The following KIRREL3 variants were observed in gnomAD, a reference collection of about 807,000 sequenced individuals.
KIRREL3 encodes kin of IRRE-like protein 3.
In KIRREL3, 36 loss-of-function variants were observed where a neutral mutation model predicts 89.7. The observed-to-expected ratio is 0.40, with a 90% confidence interval of 0.31 to 0.53. The LOEUF is 0.53. Among genes scored for constraint, KIRREL3 ranks in the 20% least tolerant of loss-of-function variants. The probability of loss-of-function intolerance (pLI) is 0.49; values close to 1 mark genes in which losing one functional copy is unlikely to be tolerated. For missense variants in KIRREL3, 864 were observed against 1,056.6 expected (o/e 0.82, Z 2.53); for synonymous variants, 445 against 441.4 (o/e 1.01, Z -0.10).
At position 126,531,855 on chromosome 11, in the gene KIRREL3, A is replaced by G. The variant is rs1291261806; in HGVS notation, c.134-5168T>C. 6.6e-6 allele frequency among the ~76,000 whole-genome samples: 1 copy of G among 152,116 alleles called. No homozygotes were observed. Among genetic ancestry groups the G allele is most frequent in the Non-Finnish European group, 1.5e-5 (1 of 68,032 alleles). ...CCAGCTGTGGGTGAGCACCGGTTAC[A>G]CGTCTGTCACATGTGCCTTTGTACT... On this transcript the variant is annotated intron_variant, in intron 2 of 16. Coordinates refer to ENST00000525144, the MANE Select transcript of KIRREL3 (RefSeq NM_032531.4). This position sits in a 1 kb window ranked among gnomAD's most constrained non-coding sequence, Gnocchi z 4.7.
chr11:126,743,956 G>C (rs1949060669), intron 1 of KIRREL3, among the ~76,000 whole-genome samples: 1 of 152,242 alleles, frequency 6.6e-6, no homozygotes, highest in Non-Finnish European at 1.5e-5. Flanking sequence ...GTGATGGGGA[G>C]ACTACTATAT....
At position 126,704,039 on chromosome 11, in the gene KIRREL3, C is replaced by A. The variant is rs559307342; in HGVS notation, c.56-141127G>T. ...GATGTTGCTACCAGAATCATTCCCC[C>A]CTTCTCTTATTTATATACACTCACA... On this transcript the variant is annotated intron_variant, in intron 1 of 16. Coordinates refer to ENST00000525144, the MANE Select transcript of KIRREL3 (RefSeq NM_032531.4). The surrounding 1 kb of genome is among the most constrained non-coding windows in gnomAD (Gnocchi z 4.2). Among the ~76,000 whole-genome samples, 57 of 152,272 alleles carry A rather than the reference C, an allele frequency of 3.7e-4. No homozygotes were observed. The highest frequency in any genetic ancestry group is 9.1e-4 in the Admixed American group (14 of 15,306).
In KIRREL3 at chr11:126,844,516, G is replaced by C. The variant is rs116903294; in HGVS notation, c.55+155939C>G. ...AGATAAAGGATGGGATTGGGTTAGG[G>C]GCCCAACTTAGGGCAGTTGGAGTCT... On this transcript the variant is annotated intron_variant, in intron 1 of 16. Coordinates refer to ENST00000525144, the MANE Select transcript of KIRREL3 (RefSeq NM_032531.4). This position sits in a 1 kb window ranked among gnomAD's most constrained non-coding sequence, Gnocchi z 4.8. Among the ~76,000 whole-genome samples, 1 of 152,108 alleles carries C rather than the reference G, an allele frequency of 6.6e-6. No homozygotes were observed. Among genetic ancestry groups the C allele is most frequent in the African/African-American group, 2.4e-5 (1 of 41,420 alleles).
rs143422754 is a variant in KIRREL3, at chr11:126,474,246, G to A, written c.434-780C>T. 1.7e-3 allele frequency among the ~76,000 whole-genome samples: 260 copies of A among 152,346 alleles called. 3 individuals carry two copies. The highest frequency in any genetic ancestry group is 5.9e-3 in the African/African-American group (244 of 41,580). On this transcript the variant is annotated intron_variant, in intron 4 of 16. Coordinates refer to ENST00000525144, the MANE Select transcript of KIRREL3 (RefSeq NM_032531.4). The surrounding 1 kb of genome is among the most constrained non-coding windows in gnomAD (Gnocchi z 6.7). ...TTACAGGCGTGAGCCACGGCACCTGGCTTTTCTTTTTTCTTTAAATGAAGC... is the reference window on the plus strand; with the variant it reads ...TTACAGGCGTGAGCCACGGCACCTGACTTTTCTTTTTTCTTTAAATGAAGC...
chr11:126,648,813 TG>T (rs1565618841), intron 1 of KIRREL3, among the ~76,000 whole-genome samples: 2 of 152,344 alleles, frequency 1.3e-5, no homozygotes, highest in East Asian at 3.9e-4. Flanking sequence ...GAAATAAATA[TG>T]GTAGCCCAAA....
intron 1 of KIRREL3, among the ~76,000 whole-genome samples, chr11:126,792,437 G>C (rs796797976): frequency 5.9e-5 from 9 of 152,308 alleles, no homozygotes; most frequent in African/African-American, 1.7e-4. Context: ...AAGCAATAGA[G>C]CCTAGGCTGA....
rs993744801 is a variant in KIRREL3 at position 126,607,138 on chromosome 11, C to T, written c.56-44226G>A. Among the ~76,000 whole-genome samples, 12 of 152,212 alleles carry T rather than the reference C, an allele frequency of 7.9e-5. No individual in the cohort carries two copies. Among genetic ancestry groups the T allele is most frequent in the South Asian group, 4.2e-4 (2 of 4,816 alleles). On this transcript the variant is annotated intron_variant, in intron 1 of 16. Transcript: ENST00000525144. This position sits in a 1 kb window ranked among gnomAD's most constrained non-coding sequence, Gnocchi z 6.6. The stretch of plus-strand genomic sequence containing the variant: ...GAGTAGCTAGGGCCTCCCAGGAGGT[C>T]GTCAGAGTGGATGGAGGGGCAAAGC...
At chr11:126,927,950 CT>C (rs1947791352) in intron 1 of KIRREL3, among the ~76,000 whole-genome samples, 1 of 152,168 alleles carries the variant, frequency 6.6e-6, no homozygotes. Context: ...AAGCTCATAA[CT>C]TTTTCATTTA....
At position 126,620,779 on chromosome 11, in the gene KIRREL3, C is replaced by G. The variant is rs1345880068; in HGVS notation, c.56-57867G>C. On this transcript the variant is annotated intron_variant, in intron 1 of 16. Transcript: ENST00000525144. This position sits in a 1 kb window ranked among gnomAD's most constrained non-coding sequence, Gnocchi z 4.8. ...CCACTTTAAATTCCTTCTTTAGCTT[C>G]TAATAAATCATCCAAACCCAGAGAA... Among the ~76,000 whole-genome samples the G allele has an allele frequency of 6.6e-6, 1 of 152,200 alleles. No homozygotes were observed.
At chr11:126,799,284 ATGTG>A (rs1401782427) in intron 1 of KIRREL3, among the ~76,000 whole-genome samples, 1 of 100,428 alleles carries the variant, frequency 1.0e-5, no homozygotes, top group Non-Finnish European at 1.9e-5. Context: ...CTGTGTGTGC[ATGTG>A]TGTATCTGTA....
intron 1 of KIRREL3, among the ~76,000 whole-genome samples, chr11:126,881,954 G>A (rs1456841700): frequency 1.3e-5 from 2 of 152,164 alleles, no homozygotes; most frequent in African/African-American, 4.8e-5. Flanking sequence ...GGGATACAAG[G>A]CCCATTTGAG....
chr11:126,885,374 C>G (rs1408911051), intron 1 of KIRREL3, among the ~76,000 whole-genome samples: 1 of 152,144 alleles, frequency 6.6e-6, no homozygotes, highest in Admixed American at 6.5e-5. Context: ...AACATGAAAA[C>G]ATAGAGTATG....
rs1327683715 is a variant in KIRREL3, at chr11:126,657,269, T to TC, written c.56-94358_56-94357insG. Among the ~76,000 whole-genome samples the TC allele has an allele frequency of 1.7e-3, 256 of 151,678 alleles. 1 individual carries two copies. The highest frequency in any genetic ancestry group is 3.5e-3 in the South Asian group (17 of 4,808). ...ATAATTAAATAAATAAATAAATAAA[T>TC]AAATAAATAAATCTTCATGGAATCT... On this transcript the variant is annotated intron_variant, in intron 1 of 16. Transcript: ENST00000525144.
rs12276400 is a variant in KIRREL3 at position 126,930,124 on chromosome 11, C to T, written c.55+70331G>A. The stretch of plus-strand genomic sequence containing the variant: ...GTGCTTAAAAAAAAAAAACTCTTCA[C>T]TCCCCCCTGCACACTTTTCTTAATG... On this transcript the variant is annotated intron_variant, in intron 1 of 16. Coordinates refer to ENST00000525144, the MANE Select transcript of KIRREL3 (RefSeq NM_032531.4). Among the ~76,000 whole-genome samples the T allele has an allele frequency of 1.5e-3, 235 of 151,766 alleles. 1 individual carries two copies. The highest frequency in any genetic ancestry group is 5.5e-3 in the African/African-American group (229 of 41,422).
chr11:126,472,115 G>C (rs1256844710), intron 5 of KIRREL3, among the ~76,000 whole-genome samples: 2 of 152,222 alleles, frequency 1.3e-5, no homozygotes, highest in South Asian at 2.1e-4. Context: ...GTGAATTTCA[G>C]ATATATAATG....
intron 1 of KIRREL3, among the ~76,000 whole-genome samples, chr11:126,660,124 G>C (rs1945328264): frequency 6.6e-6 from 1 of 152,210 alleles, no homozygotes; most frequent in South Asian, 2.1e-4. Flanking sequence ...GCCGATGCCA[G>C]GGTATGTGAA....
At chr11:126,547,284 C>T (rs547662723) in intron 2 of KIRREL3, among the ~76,000 whole-genome samples, 1 of 152,220 alleles carries the variant, frequency 6.6e-6, no homozygotes, top group Non-Finnish European at 1.5e-5. Flanking sequence ...GTCATATCCC[C>T]TTTGGGTGGC....
In KIRREL3 at chr11:126,448,894, T is replaced by C. The variant is rs939639337; in HGVS notation, c.997+115A>G. 3.4e-5 allele frequency: 38 copies of C among 1,127,246 alleles called. No homozygotes were observed. In the African/African-American group the frequency reaches 5.9e-4, roughly 18 times the overall value. The allele number at this position is 1,127,246 out of a possible 1,614,324, so 69.8% of individuals were successfully genotyped here. ...TCGTCGAGTGCAAACCATCCTACGC[T>C]CATGACGCATGAAGCTTGTGTTGTG... On this transcript the variant is annotated intron_variant, in intron 8 of 16. Transcript: ENST00000525144.
rs986300438 is a variant in KIRREL3 at position 126,906,429 on chromosome 11, C to T, written c.55+94026G>A. Among the ~76,000 whole-genome samples, 1 of 152,186 alleles carries T rather than the reference C, an allele frequency of 6.6e-6. No individual in the cohort carries two copies. The highest frequency in any genetic ancestry group is 1.5e-5 in the Non-Finnish European group (1 of 68,038). Reference sequence around the variant, plus strand: ...GCTTAAGGAACGGAAGTATTAGCAGCAAGGTTACTCCCAAAGAGACATGTT... The same window carrying T: ...GCTTAAGGAACGGAAGTATTAGCAGTAAGGTTACTCCCAAAGAGACATGTT... On this transcript the variant is annotated intron_variant, in intron 1 of 16. Transcript: ENST00000525144. The surrounding 1 kb of genome is among the most constrained non-coding windows in gnomAD (Gnocchi z 4.1).
Sources: allele counts gnomAD v4.1 joint callset (sites outside exome capture counted in the v4.1 genomes callset), GRCh38; gene constraint gnomAD v4.1.1; non-coding constraint Gnocchi (gnomAD v3.1); transcripts MANE v1.5; gene names NCBI Gene and HGNC (gene_info 2026-07-23, HGNC 2026-07-21).